Variants in ISL2 observed in about 807,000 individuals in gnomAD.
The protein encoded by ISL2 is insulin gene enhancer protein ISL-2.
ISL2 carries 17 observed loss-of-function variants against 34.6 expected under a neutral mutation model. That is an observed-to-expected ratio of 0.49 (90% confidence interval 0.34 to 0.74). The LOEUF is 0.74. Among genes scored for constraint, ISL2 ranks in the 30% least tolerant of loss-of-function variants. The pLI, the probability that ISL2 is intolerant of heterozygous loss-of-function variation, is 0.01. For missense variants in ISL2, 469 were observed against 515.2 expected (o/e 0.91, Z 0.87); for synonymous variants, 232 against 225.5 (o/e 1.03, Z -0.26).
At chr15:76,338,645 G>C (rs2040171172) in intron 3 of ISL2, 131 bp downstream of exon 3, 1 of 1,231,662 alleles carries the variant, frequency 8.1e-7, no homozygotes, top group Admixed American at 3.3e-5. Flanking sequence ...GTGTTTTTCT[G>C]TATCAGTGCG....
rs146734580 is a variant in ISL2, at chr15:76,339,405, C to A, written c.512-871C>A. ...TAAACCGAAATGGTGCAGTACAGAT[C>A]CACGGTATATATGGGTCGGGATCAA... is the stretch of plus-strand genomic sequence containing the variant. On this transcript the variant is annotated intron_variant, in intron 3 of 5. Transcript: ENST00000290759. The A allele has an allele frequency of 7.0e-4, 691 of 985,422 alleles. 4 individuals are homozygous for A. The African/African-American group carries it at 0.011, about 16-fold the overall frequency. 61.0% of individuals were successfully genotyped at this position (985,422 alleles called of 1,614,324 possible).
chr15:76,337,069 A>G (rs1439675712), intron 1 of ISL2, 128 bp downstream of exon 1: 4 of 793,744 alleles, frequency 5.0e-6, no homozygotes, highest in Non-Finnish European at 8.5e-6. Flanking sequence ...TTAGGAGAGG[A>G]AAAACGAATG....
Position 76,336,810 on chromosome 15 carries a change from A to G in ISL2, c.-74A>G, listed in dbSNP as rs1216241039. 1.9e-5 allele frequency: 25 copies of G among 1,350,298 alleles called. No individual in the cohort carries two copies. The East Asian group carries it at 5.5e-4, about 30-fold the overall frequency. 83.6% of individuals were successfully genotyped at this position (1,350,298 alleles called of 1,614,324 possible). On this transcript the variant is annotated 5_prime_UTR_variant, in exon 1 of 6. Coordinates refer to ENST00000290759, the MANE Select transcript of ISL2 (RefSeq NM_145805.3). ...CGGGGCAGTAGGAGTTAGTTAGCAA[A>G]GAGCCGAGGCCGGGCGCGCGACCCT...
chr15:76,341,598 G>C (rs1443709340), intron 5 of ISL2, 121 bp from the exon 6 acceptor site: 2 of 804,880 alleles, frequency 2.5e-6, no homozygotes, highest in Non-Finnish European at 4.3e-6. Context: ...TTCTCCGCAG[G>C]GCTTGCTCTC....
In ISL2 at chr15:76,340,279, C is replaced by A. The variant is rs1433756638; in HGVS notation, c.515C>A (p.Ala172Asp). Residue 172 changes from alanine to aspartate, a missense_variant, in exon 4 of 6, where the codon GCT (alanine) becomes GAT (aspartate). Transcript: ENST00000290759. ...TGGCCTCACCCTGTCCTGGCAGACG[C>A]TGGGTCGGGCCGGCAGCCCGCGTTG... ...PGARGLHLPD[A>D]GSGRQPALRP... The A allele has an allele frequency of 2.5e-6, 4 of 1,600,436 alleles. No homozygotes were observed. The highest frequency in any genetic ancestry group is 3.4e-6 in the Non-Finnish European group (4 of 1,175,412).
chr15:76,341,925 C>T lies in ISL2; in HGVS notation c.*90C>T. 2.4e-6 allele frequency: 2 copies of T among 835,408 alleles called. No homozygotes were observed. The highest frequency in any genetic ancestry group is 3.6e-5 in the Admixed American group (2 of 56,334). The allele number at this position is 835,408 out of a possible 1,614,324, so 51.7% of individuals were successfully genotyped here. On this transcript the variant is annotated 3_prime_UTR_variant, in exon 6 of 6. Coordinates refer to ENST00000290759, the MANE Select transcript of ISL2 (RefSeq NM_145805.3). ...AGGCCATTCCAGTTCCGAAAGCTCTCTCGCCTTCGTAATTATTCTATTGTT... is the reference window on the plus strand; with the variant it reads ...AGGCCATTCCAGTTCCGAAAGCTCTTTCGCCTTCGTAATTATTCTATTGTT...
At chr15:76,340,028 C>T (rs1266252639) in intron 3 of ISL2, 6 of 1,313,336 alleles carry the variant, frequency 4.6e-6, no homozygotes, top group Non-Finnish European at 5.8e-6. Context: ...CGAGCTCCCG[C>T]GCCCTGCTTG....
chr15:76,342,083 G>GGTTA lies in ISL2; in HGVS notation c.*250_*253dup. The GGTTA allele has an allele frequency of 2.3e-6, 1 of 427,764 alleles. No individual in the cohort carries two copies. Among genetic ancestry groups the GGTTA allele is most frequent in the Non-Finnish European group, 4.2e-6 (1 of 235,740 alleles). The allele number at this position is 427,764 out of a possible 1,614,324, so 26.5% of individuals were successfully genotyped here. ...AAAACCAGAATCTGGGACTTACCAG[G>GGTTA]GTTAGCTCTGCCCTCTCCTCTCCTC... On this transcript the variant is annotated 3_prime_UTR_variant, in exon 6 of 6. Coordinates refer to ENST00000290759, the MANE Select transcript of ISL2 (RefSeq NM_145805.3).
Position 76,337,866 on chromosome 15 carries a change from C to T in ISL2, c.147C>T (p.His49=), listed in dbSNP as rs755514139. Residue 49 remains histidine (H), a synonymous_variant, in exon 2 of 6, where the codon CAC becomes CAT. Transcript: ENST00000290759. Reference sequence around the variant, plus strand: ...GGGTGTCGCCCGACCTCGAGTGGCACGCGGCCTGCCTCAAGTGTGCCGAGT... The same window carrying T: ...GGGTGTCGCCCGACCTCGAGTGGCATGCGGCCTGCCTCAAGTGTGCCGAGT... ...ILRVSPDLEW[H]AACLKCAECS... The T allele has an allele frequency of 7.4e-6, 12 of 1,612,428 alleles. No homozygotes were observed. The highest frequency in any genetic ancestry group is 1.0e-5 in the Non-Finnish European group (12 of 1,179,642).
rs974012035 is a variant in ISL2, at chr15:76,341,916, G to A, written c.*81G>A. The A allele has an allele frequency of 3.4e-6, 3 of 884,304 alleles. No individual in the cohort carries two copies. Among genetic ancestry groups the A allele is most frequent in the Admixed American group, 1.8e-5 (1 of 56,938 alleles). 54.8% of individuals were successfully genotyped at this position (884,304 alleles called of 1,614,324 possible). On this transcript the variant is annotated 3_prime_UTR_variant, in exon 6 of 6. Transcript: ENST00000290759. ...CCCATGCTCAGGCCATTCCAGTTCCGAAAGCTCTCTCGCCTTCGTAATTAT... is the reference window on the plus strand; with the variant it reads ...CCCATGCTCAGGCCATTCCAGTTCCAAAAGCTCTCTCGCCTTCGTAATTAT...
rs776582442 is a variant in ISL2, at chr15:76,338,396, G to C, written c.393G>C (p.Ser131=). 1.3e-6 allele frequency: 2 copies of C among 1,534,998 alleles called. No homozygotes were observed. The highest frequency in any genetic ancestry group is 3.8e-5 in the Admixed American group (2 of 52,218). ...SRQLLPGDEF[S]LREHELLCRA... Reference sequence around the variant, plus strand: ...AGCTGCTGCCTGGGGACGAGTTCTCGCTGCGGGAGCACGAGCTGCTCTGCC... The same window carrying C: ...AGCTGCTGCCTGGGGACGAGTTCTCCCTGCGGGAGCACGAGCTGCTCTGCC... The change falls in exon 3 of 6, where the codon TCG becomes TCC. Residue 131 remains serine, a synonymous_variant. Transcript: ENST00000290759.
At chr15:76,340,067 C>T in intron 3 of ISL2, 1 of 1,396,130 alleles carries the variant, frequency 7.2e-7, no homozygotes, top group Non-Finnish European at 9.3e-7. Context: ...GCGGGGCAGT[C>T]CGGCCCGGGA....
chr15:76,338,640 T>C (rs2040171131), intron 3 of ISL2, 126 bp downstream of exon 3: 1 of 1,233,246 alleles, frequency 8.1e-7, no homozygotes, highest in South Asian at 3.3e-5. Context: ...GGATAGTGTT[T>C]TTCTGTATCA....
chr15:76,341,586 CCTT>C (rs1043030623), intron 5 of ISL2, 130 bp from the exon 6 acceptor site: 1 of 755,114 alleles, frequency 1.3e-6, no homozygotes, highest in South Asian at 1.6e-5. Context: ...GACCTGGCCT[CCTT>C]CTCCGCAGGG....
chr15:76,341,958 A>G lies in ISL2; in HGVS notation c.*123A>G. ...CGTAATTATTCTATTGTTATTTATGAGAGAGTACCGAGAGACACGGTCTGG... is the reference window on the plus strand; with the variant it reads ...CGTAATTATTCTATTGTTATTTATGGGAGAGTACCGAGAGACACGGTCTGG... On this transcript the variant is annotated 3_prime_UTR_variant, in exon 6 of 6. Transcript: ENST00000290759. The G allele has an allele frequency of 1.4e-6, 1 of 714,616 alleles. No homozygotes were observed. Among genetic ancestry groups the G allele is most frequent in the Admixed American group, 2.1e-5 (1 of 48,444 alleles). 44.3% of individuals were successfully genotyped at this position (714,616 alleles called of 1,614,324 possible).
At position 76,341,448 on chromosome 15, in the gene ISL2, C is replaced by T. The variant is rs2040193386; in HGVS notation, c.963+147C>T. 3 of 802,132 alleles carry T rather than the reference C, an allele frequency of 3.7e-6. No individual in the cohort carries two copies. The South Asian group carries it at 5.5e-5, about 15-fold the overall frequency. The allele number at this position is 802,132 out of a possible 1,614,324, so 49.7% of individuals were successfully genotyped here. On this transcript the variant is annotated intron_variant, in intron 5 of 5. Transcript: ENST00000290759. ...GTGGGGGAGGGGGAACAGTGGCGGGCTCTGAAACCTCACCTCGGCCCATTA... is the reference window on the plus strand; with the variant it reads ...GTGGGGGAGGGGGAACAGTGGCGGGTTCTGAAACCTCACCTCGGCCCATTA...
intron 1 of ISL2, 158 bp from the exon 2 acceptor site, chr15:76,337,620 G>A (rs1178323818): frequency 1.7e-6 from 1 of 600,328 alleles, no homozygotes; most frequent in Non-Finnish European, 2.8e-6. Flanking sequence ...CGTTTCCAAT[G>A]CCCTGGACCT....
chr15:76,339,875 C>G, intron 3 of ISL2: 1 of 1,023,870 alleles, frequency 9.8e-7, no homozygotes, highest in Non-Finnish European at 1.2e-6. Flanking sequence ...GGTCCCTTTC[C>G]CTCTCCAGAG....
At chr15:76,339,011 G>T (rs2040173154) in intron 3 of ISL2, 1 of 985,398 alleles carries the variant, frequency 1.0e-6, no homozygotes, top group South Asian at 4.7e-5. Context: ...TTGTTTTGAG[G>T]CCCAGTTTGA....
Sources: gnomAD v4.1 joint callset for allele counts on GRCh38, gnomAD v4.1.1 for gene constraint, MANE v1.5 for transcripts, NCBI Gene and HGNC (gene_info 2026-07-23, HGNC 2026-07-21) for gene names.